SLC44A3: variants seen among roughly 807,000 people sequenced by gnomAD.
SLC44A3 encodes the protein choline transporter-like protein 3.
In SLC44A3, 74 loss-of-function variants were observed where a neutral mutation model predicts 75.4. The observed-to-expected ratio is 0.98, with a 90% confidence interval of 0.81 to 1.19. SLC44A3 has a LOEUF of 1.19. Ranked by LOEUF, SLC44A3 falls within the 50% of genes most tolerant of loss-of-function variation. The pLI is 0.00. For missense variants in SLC44A3, 700 were observed against 778.6 expected, an observed-to-expected ratio of 0.90 and a Z score of 1.20; for synonymous variants, 310 against 296.9, an observed-to-expected ratio of 1.04 and a Z score of -0.45.
intron 2 of SLC44A3, among the ~76,000 whole-genome samples, chr1:94,822,990 T>C (rs1303853522): frequency 6.6e-6 from 1 of 152,186 alleles, no homozygotes; most frequent in Admixed American, 6.6e-5. Context: ...CAAGACCCTG[T>C]GTCTACAAAA....
At chr1:94,845,187 T>G in intron 8 of SLC44A3, 91 bp from the exon 9 acceptor site, 42 of 1,314,424 alleles carry the variant, frequency 3.2e-5, no homozygotes, top group Non-Finnish European at 4.1e-5. Context: ...AGCTGTTTGC[T>G]GAGATGTCAT....
chr1:94,834,306 C>T (rs1159869137), intron 5 of SLC44A3, among the ~76,000 whole-genome samples: 1 of 151,778 alleles, frequency 6.6e-6, no homozygotes, highest in Non-Finnish European at 1.5e-5. Flanking sequence ...AGGAAGTGCT[C>T]AAGAAAGAAA....
chr1:94,850,627 G>T (rs1665102696), intron 9 of SLC44A3, among the ~76,000 whole-genome samples: 1 of 152,216 alleles, frequency 6.6e-6, no homozygotes, highest in South Asian at 2.1e-4. Flanking sequence ...CTGGAACCCA[G>T]GCTGGCTCTG....
intron 12 of SLC44A3, among the ~76,000 whole-genome samples, chr1:94,873,668 G>A (rs1207306093): frequency 6.6e-6 from 1 of 152,104 alleles, no homozygotes; most frequent in Non-Finnish European, 1.5e-5. Flanking sequence ...TTCAATGACT[G>A]TCTTTCTCGT....
At chr1:94,881,579 C>T (rs1267707044) in intron 12 of SLC44A3, among the ~76,000 whole-genome samples, 1 of 150,648 alleles carries the variant, frequency 6.6e-6, no homozygotes, top group African/African-American at 2.4e-5. Context: ...TGGCGGGTGC[C>T]TGTAGTCCCA....
intron 12 of SLC44A3, 89 bp downstream of exon 12, chr1:94,867,506 T>A: frequency 1.9e-6 from 2 of 1,063,200 alleles, no homozygotes; most frequent in Non-Finnish European, 2.7e-6. Context: ...AATTCTTCTC[T>A]AAGGGGCTAA....
chr1:94,849,121 G>A (rs904436337), intron 9 of SLC44A3, among the ~76,000 whole-genome samples: 6 of 152,134 alleles, frequency 3.9e-5, no homozygotes, highest in African/African-American at 1.4e-4. Context: ...TCCACTGCAA[G>A]AGAGACCTGG....
chr1:94,887,223 A>G (rs934124255), intron 12 of SLC44A3, among the ~76,000 whole-genome samples: 1 of 152,198 alleles, frequency 6.6e-6, no homozygotes, highest in East Asian at 1.9e-4. Context: ...AGTGCACTCC[A>G]TCTTCCAGCT....
At chr1:94,865,781 C>T (rs1159599082) in intron 11 of SLC44A3, among the ~76,000 whole-genome samples, 3 of 152,144 alleles carry the variant, frequency 2.0e-5, no homozygotes, top group African/African-American at 7.2e-5. Context: ...GCTATGTGTC[C>T]TTAGTAAATT....
intron 3 of SLC44A3, among the ~76,000 whole-genome samples, chr1:94,825,113 C>A (rs541963149): frequency 1.3e-5 from 2 of 152,298 alleles, no homozygotes; most frequent in East Asian, 3.9e-4. Context: ...CTGTGTCCCA[C>A]CCCTGCCCCA....
intron 14 of SLC44A3, among the ~76,000 whole-genome samples, chr1:94,894,444 T>TAA (rs2101702541): frequency 6.6e-6 from 1 of 152,310 alleles, no homozygotes; most frequent in East Asian, 1.9e-4. Context: ...AAACAAAGAC[T>TAA]AAATTCAGTC....
intron 5 of SLC44A3, among the ~76,000 whole-genome samples, chr1:94,829,291 A>G (rs1018223222): frequency 4.8e-5 from 5 of 104,986 alleles, no homozygotes; most frequent in African/African-American, 1.4e-4. Context: ...CAAAAAAAAA[A>G]AGAAAATCGT....
chr1:94,869,460 A>G (rs1411452221), intron 12 of SLC44A3, among the ~76,000 whole-genome samples: 1 of 152,210 alleles, frequency 6.6e-6, no homozygotes, highest in Non-Finnish European at 1.5e-5. Context: ...GCTGTGGCTA[A>G]ACCTGCTTTG....
At chr1:94,836,013 G>A (rs563737089) in intron 5 of SLC44A3, among the ~76,000 whole-genome samples, 1 of 152,346 alleles carries the variant, frequency 6.6e-6, no homozygotes, top group African/African-American at 2.4e-5. Flanking sequence ...CTCAGGAACT[G>A]TTTCTGTAAT....
At chr1:94,844,818 T>G (rs1571247997) in intron 8 of SLC44A3, among the ~76,000 whole-genome samples, 1 of 152,276 alleles carries the variant, frequency 6.6e-6, no homozygotes, top group South Asian at 2.1e-4. Context: ...ATGGTTTGTT[T>G]CATTAATATG....
chr1:94,847,995 A>G (rs988497100), intron 9 of SLC44A3, among the ~76,000 whole-genome samples: 22 of 152,128 alleles, frequency 1.4e-4, no homozygotes, highest in Non-Finnish European at 2.5e-4. Context: ...TTGGGAGGCC[A>G]AGGCGGGCGG....
chr1:94,870,691 CTTTT>C (rs944286106), intron 12 of SLC44A3, among the ~76,000 whole-genome samples: 12 of 151,880 alleles, frequency 7.9e-5, no homozygotes, highest in African/African-American at 2.9e-4. Context: ...TTTTTGTTTT[CTTTT>C]GTTTGAGACG....
At position 94,894,952 on chromosome 1, in the gene SLC44A3, A is replaced by C. The variant is rs1426591281; in HGVS notation, c.*30A>C. The C allele has an allele frequency of 6.4e-7, 1 of 1,551,504 alleles. No individual in the cohort carries two copies. The highest frequency in any genetic ancestry group is 1.8e-5 in the Admixed American group (1 of 56,662). On this transcript the variant is annotated 3_prime_UTR_variant, in exon 15 of 15. Coordinates refer to ENST00000271227, the MANE Select transcript of SLC44A3 (RefSeq NM_001114106.3). ...CCATTTAGGTATCTGTACCTGGAAA[A>C]CATTTCCTTCTAAGAGCCATTTACA...
At chr1:94,849,494 C>T (rs1490483890) in intron 9 of SLC44A3, among the ~76,000 whole-genome samples, 5 of 152,150 alleles carry the variant, frequency 3.3e-5, no homozygotes, top group South Asian at 2.1e-4. Context: ...CCTGGCTCTG[C>T]GGCTGGGCAG....
Sources: allele counts gnomAD v4.1 joint callset (sites outside exome capture counted in the v4.1 genomes callset), GRCh38; gene constraint gnomAD v4.1.1; transcripts MANE v1.5; gene names NCBI Gene and HGNC (gene_info 2026-07-23, HGNC 2026-07-21).